Variants in KCNT2 observed in about 807,000 individuals in gnomAD.
The protein encoded by KCNT2 is potassium channel subfamily T member 2.
In KCNT2, 67 loss-of-function variants were observed where a neutral mutation model predicts 153.8. The observed-to-expected ratio is 0.44, with a 90% CI of 0.36 to 0.53. The LOEUF is 0.53. Among genes scored for constraint, KCNT2 ranks in the 20% least tolerant of loss-of-function variants. KCNT2 has a pLI of 0.00. For synonymous variants in KCNT2, 500 were observed against 458.8 expected (o/e 1.09, Z -1.15); for missense variants, 975 against 1,354.8 (o/e 0.72, Z 4.40).
chr1:196,239,663 T>C (rs980715465), intron 26 of KCNT2, among the ~76,000 whole-genome samples: 2 of 152,170 alleles, frequency 1.3e-5, no homozygotes, highest in East Asian at 1.9e-4. Flanking sequence ...AAGAGGATAA[T>C]AGAATTTTGT....
intron 25 of KCNT2, among the ~76,000 whole-genome samples, chr1:196,266,643 T>C (rs751922966): frequency 7.2e-5 from 11 of 152,270 alleles, no homozygotes; most frequent in Non-Finnish European, 1.3e-4. Flanking sequence ...AAGGAACCCC[T>C]TACCTAAGAA....
At chr1:196,303,014 T>TAA (rs772323541) in intron 22 of KCNT2, among the ~76,000 whole-genome samples, 32 of 143,642 alleles carry the variant, frequency 2.2e-4, no homozygotes, top group African/African-American at 7.3e-4. Flanking sequence ...ATGCAAATCT[T>TAA]AAAAAAAAAA....
chr1:196,412,011 G>A (rs1672381115), intron 12 of KCNT2, among the ~76,000 whole-genome samples: 1 of 151,570 alleles, frequency 6.6e-6, no homozygotes, highest in South Asian at 2.1e-4. Flanking sequence ...AACCATTTTT[G>A]CATTCCAAGG....
Position 196,608,040 on chromosome 1 carries a change from G to GTT in KCNT2, c.95+173_95+174dup, listed in dbSNP as rs567602803. On this transcript the variant is annotated intron_variant, in intron 1 of 27. Transcript: ENST00000294725. ...AAAGAGTTCCTTATCTATAGCAACA[G>GTT]TTATATAGAGTCAAAATGGAGAGAC... Among the ~76,000 whole-genome samples, 37 of 152,230 alleles carry GTT rather than the reference G, an allele frequency of 2.4e-4. 1 individual carries two copies. In the East Asian group the frequency reaches 7.0e-3, roughly 29 times the overall value.
At chr1:196,288,676 T>A (rs1329183716) in intron 22 of KCNT2, among the ~76,000 whole-genome samples, 1 of 152,060 alleles carries the variant, frequency 6.6e-6, no homozygotes, top group Non-Finnish European at 1.5e-5. Context: ...ATATGATGAT[T>A]GAATTTGGTA....
chr1:196,558,638 A>G (rs1658997474), intron 1 of KCNT2, among the ~76,000 whole-genome samples: 1 of 151,520 alleles, frequency 6.6e-6, no homozygotes, highest in South Asian at 2.1e-4. Flanking sequence ...TAAGAAGACA[A>G]AATGCTGACT....
intron 12 of KCNT2, among the ~76,000 whole-genome samples, chr1:196,410,420 G>C (rs1572353478): frequency 6.6e-6 from 1 of 151,194 alleles, no homozygotes; most frequent in South Asian, 2.1e-4. Context: ...CCTGTTGTGG[G>C]GTGAGGGCAG....
At chr1:196,397,671 T>C (rs1488845920) in intron 13 of KCNT2, among the ~76,000 whole-genome samples, 1 of 151,468 alleles carries the variant, frequency 6.6e-6, no homozygotes, top group Non-Finnish European at 1.5e-5. Flanking sequence ...ATAGCAACCA[T>C]TTCATAATTT....
chr1:196,513,520 CTT>C (rs1558028214), intron 1 of KCNT2, among the ~76,000 whole-genome samples: 1 of 152,196 alleles, frequency 6.6e-6, no homozygotes, highest in Non-Finnish European at 1.5e-5. Flanking sequence ...CTCAACCAGA[CTT>C]AATTATCGTA....
chr1:196,248,406 A>G (rs2102286697), intron 26 of KCNT2, among the ~76,000 whole-genome samples: 1 of 152,184 alleles, frequency 6.6e-6, no homozygotes, highest in Admixed American at 6.5e-5. Context: ...TTTATCCAGA[A>G]TAAGAAAAAA....
intron 23 of KCNT2, among the ~76,000 whole-genome samples, chr1:196,284,023 G>T (rs1659384960): frequency 6.7e-6 from 1 of 150,348 alleles, no homozygotes; most frequent in African/African-American, 2.4e-5. Context: ...CTGAGGTCAG[G>T]GGTTCGAGAC....
intron 8 of KCNT2, among the ~76,000 whole-genome samples, chr1:196,434,193 T>C (rs112909164): frequency 2.5e-4 from 38 of 152,062 alleles, no homozygotes; most frequent in Admixed American, 3.9e-4. Flanking sequence ...ATAACACTTC[T>C]GTGAAGTCAA....
chr1:196,231,185 A>G (rs2102216863), intron 27 of KCNT2, among the ~76,000 whole-genome samples: 1 of 151,890 alleles, frequency 6.6e-6, no homozygotes, highest in Middle Eastern at 3.4e-3. Context: ...TTAGCAATAA[A>G]CTGTTTTTTA....
intron 1 of KCNT2, among the ~76,000 whole-genome samples, chr1:196,533,101 T>C (rs1031590969): frequency 6.6e-6 from 1 of 152,136 alleles, no homozygotes; most frequent in Non-Finnish European, 1.5e-5. Flanking sequence ...TGAAATAAAA[T>C]GTGCATTTTT....
chr1:196,366,986 A>T (rs1668098333), intron 14 of KCNT2, among the ~76,000 whole-genome samples: 1 of 152,168 alleles, frequency 6.6e-6, no homozygotes, highest in Non-Finnish European at 1.5e-5. Flanking sequence ...TAATGAGTCA[A>T]CCATTTCTGT....
intron 8 of KCNT2, among the ~76,000 whole-genome samples, chr1:196,458,575 A>T (rs1676880764): frequency 1.3e-5 from 2 of 151,988 alleles, no homozygotes; most frequent in Admixed American, 1.3e-4. Flanking sequence ...GTATATCATT[A>T]CAAAGGCACA....
chr1:196,340,591 A>G, intron 15 of KCNT2, 21 bp from the exon 16 acceptor site: 2 of 1,411,718 alleles, frequency 1.4e-6, no homozygotes, highest in Admixed American at 2.3e-5. Context: ...AAAAAAAGAG[A>G]GTTTGTAAGA....
chr1:196,321,054 C>A (rs549337399), intron 19 of KCNT2, among the ~76,000 whole-genome samples: 1 of 150,960 alleles, frequency 6.6e-6, no homozygotes, highest in Admixed American at 6.6e-5. Context: ...TGGATCACAG[C>A]CTATAAACAG....
At chr1:196,322,217 T>C (rs895756500) in intron 19 of KCNT2, among the ~76,000 whole-genome samples, 2 of 151,888 alleles carry the variant, frequency 1.3e-5, no homozygotes, top group African/African-American at 2.4e-5. Flanking sequence ...GTGACAATGA[T>C]TGACAGATTT....
Sources: allele counts gnomAD v4.1 joint callset (sites outside exome capture counted in the v4.1 genomes callset), GRCh38; gene constraint gnomAD v4.1.1; transcripts MANE v1.5; gene names NCBI Gene and HGNC (gene_info 2026-07-23, HGNC 2026-07-21).